The following AGAP3 variants were observed in gnomAD, a reference collection of about 807,000 sequenced individuals.
AGAP3 encodes the protein ArfGAP with GTPase domain, ankyrin repeat and PH domain 3.
Under a neutral mutation model 96.9 loss-of-function variants are expected in AGAP3, and 24 were observed. That is an observed-to-expected ratio of 0.25 (90% confidence interval 0.18 to 0.35). AGAP3 has a LOEUF of 0.35. Among genes scored for constraint, AGAP3 ranks in the 10% least tolerant of loss-of-function variants. The probability of loss-of-function intolerance (pLI) is 1.00; values close to 1 mark genes in which losing one functional copy is unlikely to be tolerated. For missense variants in AGAP3, 876 were observed against 1,254.2 expected, an observed-to-expected ratio of 0.70 and a Z score of 4.55; for synonymous variants, 563 against 536.1, an observed-to-expected ratio of 1.05 and a Z score of -0.69.
Position 151,096,148 on chromosome 7 carries a change from G to A in AGAP3, c.331+9076G>A, listed in dbSNP as rs570117756. Reference sequence around the variant, plus strand: ...CAGCTGCCCTGAGGATGTGCGTGCTGGGTGGCGACTGTCTCATTACTTGTC... The same window carrying A: ...CAGCTGCCCTGAGGATGTGCGTGCTAGGTGGCGACTGTCTCATTACTTGTC... On this transcript the variant is annotated intron_variant, in intron 1 of 17. Transcript: ENST00000397238. The surrounding 1 kb of genome is among the most constrained non-coding windows in gnomAD (Gnocchi z 4.4). 6.6e-6 allele frequency among the ~76,000 whole-genome samples: 1 copy of A among 152,238 alleles called. No homozygotes were observed. The highest frequency in any genetic ancestry group is 1.5e-5 in the Non-Finnish European group (1 of 68,046).
intron 1 of AGAP3, among the ~76,000 whole-genome samples, chr7:151,088,125 G>A (rs1798234340): frequency 6.6e-6 from 1 of 152,364 alleles, no homozygotes; most frequent in East Asian, 1.9e-4. Flanking sequence ...GGGCCTTAAG[G>A]TTAGGGCCCC....
intron 8 of AGAP3, chr7:151,121,145 C>T (rs935481026): frequency 1.3e-5 from 2 of 157,074 alleles, no homozygotes; most frequent in African/African-American, 2.4e-5. Context: ...CACTCATCCT[C>T]GCCTCTGCCT....
chr7:151,096,718 C>T lies in AGAP3; in HGVS notation c.331+9646C>T, dbSNP rs1421895866. 6.6e-6 allele frequency among the ~76,000 whole-genome samples: 1 copy of T among 152,108 alleles called. No homozygotes were observed. The highest frequency in any genetic ancestry group is 1.5e-5 in the Non-Finnish European group (1 of 68,020). ...CGATCTCCTGACCTCGTGATCCACCCGCCTCAGCCTCCTAAAGTGCTGGGA... is the reference window on the plus strand; with the variant it reads ...CGATCTCCTGACCTCGTGATCCACCTGCCTCAGCCTCCTAAAGTGCTGGGA... On this transcript the variant is annotated intron_variant, in intron 1 of 17. Coordinates refer to ENST00000397238, the MANE Select transcript of AGAP3 (RefSeq NM_031946.7). The surrounding 1 kb of genome is among the most constrained non-coding windows in gnomAD (Gnocchi z 4.4).
At chr7:151,089,163 AG>A (rs1798281117) in intron 1 of AGAP3, among the ~76,000 whole-genome samples, 1 of 151,452 alleles carries the variant, frequency 6.6e-6, no homozygotes, top group South Asian at 2.1e-4. Flanking sequence ...AGTCTTCAAA[AG>A]AAAAAAAAAA....
At position 151,144,098 on chromosome 7, in the gene AGAP3, G is replaced by A; in HGVS notation, c.*155G>A. On this transcript the variant is annotated 3_prime_UTR_variant, in exon 18 of 18. Coordinates refer to ENST00000397238, the MANE Select transcript of AGAP3 (RefSeq NM_031946.7). ...TAGGGAGGAGAGTCAAAGGGATCAAGGAGAGTTGGGGATTTGAGCTGCAGC... is the reference window on the plus strand; with the variant it reads ...TAGGGAGGAGAGTCAAAGGGATCAAAGAGAGTTGGGGATTTGAGCTGCAGC... 5.1e-6 allele frequency: 4 copies of A among 779,474 alleles called. No individual in the cohort carries two copies. In the South Asian group the frequency reaches 7.3e-5, roughly 14 times the overall value. The allele number at this position is 779,474 out of a possible 1,614,324, so 48.3% of individuals were successfully genotyped here. A position where few individuals can be genotyped will look rare whatever the true frequency, so the allele number is the denominator to read the frequency against.
Position 151,114,728 on chromosome 7 carries a change from T to G in AGAP3, c.332-2065T>G. 1 of 1,005,992 alleles carries G rather than the reference T, an allele frequency of 9.9e-7. No individual in the cohort carries two copies. Among genetic ancestry groups the G allele is most frequent in the Non-Finnish European group, 1.2e-6 (1 of 844,826 alleles). 62.3% of individuals were successfully genotyped at this position (1,005,992 alleles called of 1,614,324 possible). A position where few individuals can be genotyped will look rare whatever the true frequency, so the allele number is the denominator to read the frequency against. On this transcript the variant is annotated intron_variant, in intron 1 of 17. Coordinates refer to ENST00000397238, the MANE Select transcript of AGAP3 (RefSeq NM_031946.7). This position sits in a 1 kb window ranked among gnomAD's most constrained non-coding sequence, Gnocchi z 4.4. ...CGGCCCCGGCCCGGGCCCAGCCCCG[T>G]GCCCCTCGCCATGGGCCTGGCCCGC...
Position 151,134,462 on chromosome 7 carries a change from A to G in AGAP3, c.1389A>G (p.Pro463=), listed in dbSNP as rs1563516357. The G allele has an allele frequency of 3.1e-6, 5 of 1,612,864 alleles. No homozygotes were observed. The highest frequency in any genetic ancestry group is 8.5e-7 in the Non-Finnish European group (1 of 1,180,010). The change falls in exon 11 of 18, where the codon CCA becomes CCG. Residue 463 remains proline (P), a synonymous_variant. Transcript: ENST00000397238. ...IDLLRTTVKV[P]GKRLPRATPA... Reference sequence around the variant, plus strand: ...TGCTGCGGACAACGGTGAAAGTGCCAGGGAAGCGCCTGCCCCGAGCCACAC... The same window carrying G: ...TGCTGCGGACAACGGTGAAAGTGCCGGGGAAGCGCCTGCCCCGAGCCACAC...
chr7:151,111,985 T>G (rs1167765415), intron 1 of AGAP3, among the ~76,000 whole-genome samples: 1 of 152,204 alleles, frequency 6.6e-6, no homozygotes, highest in Non-Finnish European at 1.5e-5. Context: ...AGGTAGTGGC[T>G]GTCTGTGTCG....
chr7:151,136,472 GTC>G (rs1212884543), intron 11 of AGAP3: 1 of 152,202 alleles, frequency 6.6e-6, no homozygotes, highest in Non-Finnish European at 1.5e-5. Flanking sequence ...ACTCACACAT[GTC>G]TCTCACTCAC....
At chr7:151,129,468 A>G (rs62489628) in intron 10 of AGAP3, among the ~76,000 whole-genome samples, 45,522 of 152,056 alleles carry the variant, frequency 0.3, 7,121 homozygotes, top group Middle Eastern at 0.38. Context: ...CACCGCCCAG[A>G]CAGCCCTGCG....
chr7:151,127,034 G>T (rs1005944513), intron 9 of AGAP3, among the ~76,000 whole-genome samples: 2 of 152,210 alleles, frequency 1.3e-5, no homozygotes, highest in African/African-American at 4.8e-5. Context: ...ACAGCTGCTG[G>T]GGCCGCTGGA....
At chr7:151,099,535 TG>T (rs942978108) in intron 1 of AGAP3, among the ~76,000 whole-genome samples, 1 of 152,204 alleles carries the variant, frequency 6.6e-6, no homozygotes, top group African/African-American at 2.4e-5. Context: ...TTGTGTGTGG[TG>T]GGTGACAAAG....
At position 151,114,931 on chromosome 7, in the gene AGAP3, C is replaced by G. The variant is rs1012715384; in HGVS notation, c.332-1862C>G. 2.0e-6 allele frequency: 2 copies of G among 986,428 alleles called. No homozygotes were observed. Among genetic ancestry groups the G allele is most frequent in the African/African-American group, 3.5e-5 (2 of 56,846 alleles). The allele number at this position is 986,428 out of a possible 1,614,324, so 61.1% of individuals were successfully genotyped here. On this transcript the variant is annotated intron_variant, in intron 1 of 17. Coordinates refer to ENST00000397238, the MANE Select transcript of AGAP3 (RefSeq NM_031946.7). The surrounding 1 kb of genome is among the most constrained non-coding windows in gnomAD (Gnocchi z 4.4). ...GCCCTCTGCGCCGCCAGTGAGCAGC[C>G]GGCGCGGCCGCGGAGCGTGTGCTCG...
Position 151,143,554 on chromosome 7 carries a change from C to T in AGAP3, c.2487C>T (p.Ser829=). The T allele has an allele frequency of 6.2e-7, 1 of 1,611,898 alleles. No individual in the cohort carries two copies. ...ACGGGCGGACGGCTCTACATCTCTC[C>T]AGTGCCATGGCCAACGTTGTCTTCA... ...DGDGRTALHL[S]SAMANVVFTQ... is the part of the protein sequence containing the mutation. The change falls in exon 17 of 18, where the codon TCC becomes TCT. Residue 829 remains serine, a synonymous_variant. Transcript: ENST00000397238. The surrounding 1 kb of genome is among the most constrained non-coding windows in gnomAD (Gnocchi z 5.9).
intron 1 of AGAP3, among the ~76,000 whole-genome samples, chr7:151,104,501 T>C (rs1798961729): frequency 6.6e-6 from 1 of 151,126 alleles, no homozygotes; most frequent in Admixed American, 6.6e-5. Flanking sequence ...AGGCAAAGAG[T>C]AGGATCAAGA....
At position 151,141,634 on chromosome 7, in the gene AGAP3, G is replaced by A. The variant is rs1240657846; in HGVS notation, c.1805-264G>A. The A allele has an allele frequency of 5.7e-5, 28 of 491,190 alleles. No homozygotes were observed. The highest frequency in any genetic ancestry group is 4.2e-4 in the South Asian group (18 of 43,324). The allele number at this position is 491,190 out of a possible 1,614,324, so 30.4% of individuals were successfully genotyped here. Reference sequence around the variant, plus strand: ...ACCCATTCCCGGCAGTGCCAGGGGTGCCAAGATCTTGCATCCCCCATCTGT... The same window carrying A: ...ACCCATTCCCGGCAGTGCCAGGGGTACCAAGATCTTGCATCCCCCATCTGT... On this transcript the variant is annotated intron_variant, in intron 13 of 17. Transcript: ENST00000397238. The surrounding 1 kb of genome is among the most constrained non-coding windows in gnomAD (Gnocchi z 4.2).
chr7:151,109,356 A>G (rs1185130007), intron 1 of AGAP3, among the ~76,000 whole-genome samples: 1 of 152,166 alleles, frequency 6.6e-6, no homozygotes, highest in Non-Finnish European at 1.5e-5. Context: ...CAAAAACCAA[A>G]AAGTTTACTG....
intron 10 of AGAP3, among the ~76,000 whole-genome samples, chr7:151,132,891 C>CA (rs1800453158): frequency 6.6e-6 from 1 of 152,222 alleles, no homozygotes; most frequent in African/African-American, 2.4e-5. Context: ...CAAGAGGCAG[C>CA]AGGCCCCCTG....
intron 10 of AGAP3, among the ~76,000 whole-genome samples, chr7:151,129,891 A>G (rs1376488934): frequency 6.6e-6 from 1 of 152,212 alleles, no homozygotes; most frequent in African/African-American, 2.4e-5. Flanking sequence ...CCGGAAGACA[A>G]GGGGAGCCCC....
Sources: gnomAD v4.1 joint callset for allele counts (sites outside exome capture counted in the v4.1 genomes callset) on GRCh38, gnomAD v4.1.1 for gene constraint, Gnocchi (gnomAD v3.1) non-coding constraint, MANE v1.5 for transcripts, NCBI Gene and HGNC (gene_info 2026-07-23, HGNC 2026-07-21) for gene names.